PHF3: variants seen among roughly 807,000 people sequenced by gnomAD.
The protein encoded by PHF3 is PHD finger protein 3.
In PHF3, 41 loss-of-function variants were observed where a neutral mutation model predicts 178.4. The observed-to-expected ratio is 0.23, with a 90% CI of 0.18 to 0.30. The LOEUF (loss-of-function observed/expected upper bound fraction) is 0.30. PHF3 is among the 10% of genes least tolerant of loss of function. The probability of loss-of-function intolerance (pLI) is 1.00; values close to 1 mark genes in which losing one functional copy is unlikely to be tolerated. For synonymous variants in PHF3, 842 were observed against 800.5 expected (o/e 1.05, Z -0.88); for missense variants, 2,346 against 2,398.1 (o/e 0.98, Z 0.45).
At chr6:63,650,342 G>A (rs1764970864) in intron 2 of PHF3, among the ~76,000 whole-genome samples, 1 of 152,098 alleles carries the variant, frequency 6.6e-6, no homozygotes, top group African/African-American at 2.4e-5. Context: ...GTTTTTGGAG[G>A]TTAAGCAAAT....
chr6:63,689,734 C>T (rs1212600367), intron 4 of PHF3, among the ~76,000 whole-genome samples: 2 of 152,108 alleles, frequency 1.3e-5, no homozygotes, highest in Admixed American at 6.5e-5. Flanking sequence ...ATCATCAAAC[C>T]ACTCTTCCCT....
rs1768344840 is a variant in PHF3 at position 63,720,737 on chromosome 6, G to A, written c.*7029G>A. On this transcript the variant is annotated 3_prime_UTR_variant, in exon 16 of 16. Coordinates refer to ENST00000262043, the MANE Select transcript of PHF3 (RefSeq NM_001370348.2). ...TGGTTTTAAAAATCTCTTGAGTAAC[G>A]ATATTTACCTTTCTACCATATTCAA... 3 of 1,548,644 alleles carry A rather than the reference G, an allele frequency of 1.9e-6. No homozygotes were observed. In the Admixed American group the frequency reaches 5.9e-5, roughly 31 times the overall value.
chr6:63,692,024 A>G lies in PHF3; in HGVS notation c.2477A>G (p.Lys826Arg), dbSNP rs1459192633. The G allele has an allele frequency of 6.2e-7, 1 of 1,605,480 alleles. No homozygotes were observed. Among genetic ancestry groups the G allele is most frequent in the Non-Finnish European group, 8.5e-7 (1 of 1,175,572 alleles). The change falls in exon 5 of 16, where the codon AAG (lysine) becomes AGG (arginine). Residue 826 changes from lysine to arginine, a missense_variant. Physicochemically the swap from Lys to Arg is conservative, Grantham distance 26. Coordinates refer to ENST00000262043, the MANE Select transcript of PHF3 (RefSeq NM_001370348.2). ...TKYIDDTVKH[K>R]VKILKRESGE... ...TATATAGATGATACAGTGAAGCACA[A>G]GGTCAAAATTTTAAAACGGGTGAGC...
At chr6:63,670,304 T>C (rs1370160084) in intron 2 of PHF3, among the ~76,000 whole-genome samples, 2 of 152,134 alleles carry the variant, frequency 1.3e-5, no homozygotes, top group Admixed American at 1.3e-4. Flanking sequence ...GTCTCGCTCT[T>C]AACGCCCAGG....
chr6:63,674,868 A>G (rs1338572589), intron 2 of PHF3, among the ~76,000 whole-genome samples: 1 of 152,188 alleles, frequency 6.6e-6, no homozygotes, highest in Non-Finnish European at 1.5e-5. Flanking sequence ...AACGCATTCC[A>G]AATGTGAAGA....
At chr6:63,697,307 TATG>T (rs1476884955) in intron 6 of PHF3, among the ~76,000 whole-genome samples, 3 of 151,972 alleles carry the variant, frequency 2.0e-5, no homozygotes, top group Non-Finnish European at 2.9e-5. Context: ...TTCAGTGAAA[TATG>T]AAGAGCAAAT....
chr6:63,649,626 A>G (rs1000743968), intron 2 of PHF3, among the ~76,000 whole-genome samples: 1 of 152,246 alleles, frequency 6.6e-6, no homozygotes, highest in African/African-American at 2.4e-5. Flanking sequence ...AGAAAATTAT[A>G]AAAATAAGAA....
At chr6:63,653,673 A>G (rs922227424) in intron 2 of PHF3, among the ~76,000 whole-genome samples, 1 of 152,156 alleles carries the variant, frequency 6.6e-6, no homozygotes, top group African/African-American at 2.4e-5. Context: ...TAGGACTGCC[A>G]GTACTGTGTC....
chr6:63,685,278 G>A lies in PHF3; in HGVS notation c.1556G>A (p.Ser519Asn). Reference sequence around the variant, plus strand: ...GCAGCAAAGTATGAAGTAATACATAGCAAAACTAAAGTTAATGTCAAAAGT... The same window carrying A: ...GCAGCAAAGTATGAAGTAATACATAACAAAACTAAAGTTAATGTCAAAAGT... The part of the protein sequence containing the change: ...IVAAKYEVIH[S>N]KTKVNVKSVK... Residue 519 changes from serine to asparagine, a missense_variant, in exon 4 of 16, where the codon AGC (serine) becomes AAC (asparagine). Physicochemically the swap from Ser to Asn is conservative, Grantham distance 46. Around this residue, in one of 8 missense-constraint regions of PHF3, gnomAD observed 843 missense variants for 795.2 expected, o/e 1.06. Transcript: ENST00000262043. 1 of 1,613,914 alleles carries A rather than the reference G, an allele frequency of 6.2e-7. No homozygotes were observed. Among genetic ancestry groups the A allele is most frequent in the Non-Finnish European group, 8.5e-7 (1 of 1,179,962 alleles).
At chr6:63,704,315 T>C (rs553805638) in intron 11 of PHF3, among the ~76,000 whole-genome samples, 1 of 152,220 alleles carries the variant, frequency 6.6e-6, no homozygotes, top group African/African-American at 2.4e-5. Flanking sequence ...TATGGACAAA[T>C]GTGTAAAGAC....
At chr6:63,650,215 T>C (rs981732331) in intron 2 of PHF3, among the ~76,000 whole-genome samples, 5 of 152,224 alleles carry the variant, frequency 3.3e-5, no homozygotes, top group African/African-American at 1.2e-4. Context: ...TATCTGCTAC[T>C]GTAGGTTACT....
chr6:63,638,855 AAC>A (rs1281741188), intron 1 of PHF3, among the ~76,000 whole-genome samples: 2 of 152,132 alleles, frequency 1.3e-5, no homozygotes, highest in Non-Finnish European at 2.9e-5. Flanking sequence ...CATTTTTGAG[AAC>A]ACAGTCAAAA....
At chr6:63,649,052 T>A (rs1203408588) in intron 2 of PHF3, among the ~76,000 whole-genome samples, 6 of 151,894 alleles carry the variant, frequency 4.0e-5, no homozygotes, top group African/African-American at 1.4e-4. Flanking sequence ...TTTTGTTAGA[T>A]TTAAGAGATA....
chr6:63,720,725 CTCT>C lies in PHF3; in HGVS notation c.*7019_*7021del. 6.5e-7 allele frequency: 1 copy of C among 1,549,106 alleles called. No homozygotes were observed. On this transcript the variant is annotated 3_prime_UTR_variant, in exon 16 of 16. Transcript: ENST00000262043. Reference sequence around the variant, plus strand: ...TGCCAACAAAATTGGTTTTAAAAATCTCTTGAGTAACGATATTTACCTTTCTAC... The same window carrying C: ...TGCCAACAAAATTGGTTTTAAAAATCTGAGTAACGATATTTACCTTTCTAC...
chr6:63,642,907 G>A (rs1489347127), intron 1 of PHF3, among the ~76,000 whole-genome samples: 1 of 152,018 alleles, frequency 6.6e-6, no homozygotes, highest in African/African-American at 2.4e-5. Context: ...AATATTCTTA[G>A]ATTAGTTTTT....
Position 63,724,236 on chromosome 6 carries a change from C to G in PHF3, c.*10528C>G, listed in dbSNP as rs548874996. Among the ~76,000 whole-genome samples the G allele has an allele frequency of 3.4e-4, 52 of 152,246 alleles. No homozygotes were observed. Among genetic ancestry groups the G allele is most frequent in the African/African-American group, 1.2e-3 (51 of 41,540 alleles). On this transcript the variant is annotated 3_prime_UTR_variant, in exon 16 of 16. Coordinates refer to ENST00000262043, the MANE Select transcript of PHF3 (RefSeq NM_001370348.2). ...CCACTCAACCATGGCTGAGGCTTCT[C>G]CCACCTTTGTTCTGCTATTGTTTCT...
At position 63,719,810 on chromosome 6, in the gene PHF3, T is replaced by A. The variant is rs1436240737; in HGVS notation, c.*6102T>A. ...TACATGGTTTTAAAAAGTCAAATAG[T>A]TCTACAAGGTTCATAAGCAAAAAGC... On this transcript the variant is annotated 3_prime_UTR_variant, in exon 16 of 16. Coordinates refer to ENST00000262043, the MANE Select transcript of PHF3 (RefSeq NM_001370348.2). 6.6e-6 allele frequency among the ~76,000 whole-genome samples: 1 copy of A among 152,074 alleles called. No individual in the cohort carries two copies. Among genetic ancestry groups the A allele is most frequent in the African/African-American group, 2.4e-5 (1 of 41,434 alleles).
At position 63,646,625 on chromosome 6, in the gene PHF3, A is replaced by G; in HGVS notation, c.74A>G (p.Asn25Ser). Residue 25 changes from asparagine (N) to serine (S), a missense_variant, in exon 2 of 16, where the codon AAC becomes AGC. Around this residue, in one of 8 missense-constraint regions of PHF3, gnomAD observed 843 missense variants for 795.2 expected, o/e 1.06. Transcript: ENST00000262043. ...HLDDALFLGSNLENEVCEDFS... is the reference protein window; with the variant it reads ...HLDDALFLGSSLENEVCEDFS... ...GATGATGCCCTATTTCTAGGATCCA[A>G]CCTGGAGAATGAAGTCTGTGAGGAT... 1 of 1,613,800 alleles carries G rather than the reference A, an allele frequency of 6.2e-7. No homozygotes were observed. Among genetic ancestry groups the G allele is most frequent in the Non-Finnish European group, 8.5e-7 (1 of 1,179,894 alleles).
chr6:63,675,103 A>G (rs961230349), intron 2 of PHF3, among the ~76,000 whole-genome samples: 4 of 152,116 alleles, frequency 2.6e-5, no homozygotes, highest in Admixed American at 6.6e-5. Context: ...AATTAGGGCA[A>G]TTTGGGGTTG....
Sources: gnomAD v4.1 joint callset for allele counts (sites outside exome capture counted in the v4.1 genomes callset) on GRCh38, gnomAD v4.1.1 for gene constraint, gnomAD v4.1.1 regional missense constraint, MANE v1.5 for transcripts, NCBI Gene and HGNC (gene_info 2026-07-23, HGNC 2026-07-21) for gene names.